PALS1: variants seen among roughly 807,000 people sequenced by gnomAD.
PALS1 encodes protein PALS1.
In PALS1, 31 loss-of-function variants were observed where a neutral mutation model predicts 78.9. The ratio of observed to expected loss-of-function variants is 0.39; its 90% confidence interval spans 0.30 to 0.53. The LOEUF is 0.53. PALS1 is among the 20% of genes least tolerant of loss of function. PALS1 has a pLI of 0.67. For synonymous variants in PALS1, 276 were observed against 270.9 expected (o/e 1.02, Z -0.18); for missense variants, 704 against 826.5 (o/e 0.85, Z 1.82).
Position 67,334,168 on chromosome 14 carries a change from G to A in PALS1, c.*1212G>A, listed in dbSNP as rs765161622. The A allele has an allele frequency of 1.3e-5, 2 of 152,572 alleles. No homozygotes were observed. The highest frequency in any genetic ancestry group is 4.8e-5 in the African/African-American group (2 of 41,444). The allele number at this position is 152,572 out of a possible 1,614,324, so 9.5% of individuals were successfully genotyped here. ...GAGAGAAAAAGGTATTAAATATATA[G>A]AAATAGGTTTTTAACCTAACAAGGT... On this transcript the variant is annotated 3_prime_UTR_variant, in exon 15 of 15. Transcript: ENST00000261681.
intron 4 of PALS1, among the ~76,000 whole-genome samples, chr14:67,299,599 A>C (rs1473832047): frequency 1.3e-5 from 2 of 152,206 alleles, no homozygotes; most frequent in East Asian, 3.8e-4. Context: ...TTTATAGGCC[A>C]ATGGAAAGGA....
At chr14:67,275,363 A>C (rs530003843) in intron 2 of PALS1, among the ~76,000 whole-genome samples, 2 of 152,324 alleles carry the variant, frequency 1.3e-5, no homozygotes, top group Middle Eastern at 6.8e-3. Flanking sequence ...CCTTTTCTGC[A>C]TCTATTGAGA....
intron 4 of PALS1, chr14:67,294,246 T>C (rs2084812795): frequency 6.6e-6 from 1 of 152,162 alleles, no homozygotes; most frequent in South Asian, 2.1e-4. Context: ...AGAACGTGAA[T>C]GGTTTCCCCT....
chr14:67,303,230 A>G lies in PALS1; in HGVS notation c.964-292A>G, dbSNP rs530563742. Among the ~76,000 whole-genome samples the G allele has an allele frequency of 2.6e-4, 39 of 152,362 alleles. No individual in the cohort carries two copies. In the South Asian group the frequency reaches 8.1e-3, roughly 32 times the overall value. ...TCTAGACATCTTTTGAGTGCAATTT[A>G]TGATCACTTTGTACACACGCACAGA... On this transcript the variant is annotated intron_variant, in intron 7 of 14. Transcript: ENST00000261681.
At chr14:67,329,385 G>C (rs866224786) in intron 14 of PALS1, among the ~76,000 whole-genome samples, 1 of 152,140 alleles carries the variant, frequency 6.6e-6, no homozygotes, top group Non-Finnish European at 1.5e-5. Flanking sequence ...GGGCTGAGAC[G>C]ATGGAGTTTT....
intron 4 of PALS1, among the ~76,000 whole-genome samples, chr14:67,300,452 T>A (rs1183681564): frequency 6.6e-6 from 1 of 151,858 alleles, no homozygotes. Flanking sequence ...CTCAGCCTCT[T>A]GAGTAGCTGG....
chr14:67,294,203 C>T (rs545293217), intron 4 of PALS1, among the ~76,000 whole-genome samples: 52 of 152,208 alleles, frequency 3.4e-4, no homozygotes, highest in African/African-American at 1.2e-3. Flanking sequence ...TTTGCTTTCA[C>T]GTCCTTAGAG....
intron 3 of PALS1, among the ~76,000 whole-genome samples, chr14:67,284,578 A>C (rs984760637): frequency 1.4e-4 from 18 of 124,336 alleles, no homozygotes; most frequent in South Asian, 1.1e-3. Context: ...AAAAAAAAAA[A>C]AAAAAAAAAA....
At chr14:67,317,503 G>C in intron 11 of PALS1, 24 bp downstream of exon 11, 1 of 1,526,032 alleles carries the variant, frequency 6.6e-7, no homozygotes, top group Non-Finnish European at 9.0e-7. Flanking sequence ...TCAGGGATAG[G>C]TGGAATTATA....
chr14:67,246,064 G>A (rs181950257), intron 1 of PALS1, among the ~76,000 whole-genome samples: 245 of 151,894 alleles, frequency 1.6e-3, no homozygotes, highest in African/African-American at 5.6e-3. Context: ...GACTGCATTT[G>A]TTTGGGTTTG....
chr14:67,244,258 T>G (rs575974253), intron 1 of PALS1, among the ~76,000 whole-genome samples: 4 of 152,240 alleles, frequency 2.6e-5, no homozygotes, highest in Non-Finnish European at 5.9e-5. Flanking sequence ...AGAATGTATG[T>G]ATACCTACCT....
At chr14:67,300,840 CT>C (rs202136052) in intron 4 of PALS1, among the ~76,000 whole-genome samples, 1,603 of 150,872 alleles carry the variant, frequency 0.011, 24 homozygotes, top group African/African-American at 0.036. Flanking sequence ...GACTGTCAGT[CT>C]TTTTTTTTAA....
At chr14:67,247,933 T>C (rs553501124) in intron 1 of PALS1, among the ~76,000 whole-genome samples, 1 of 152,284 alleles carries the variant, frequency 6.6e-6, no homozygotes, top group Admixed American at 6.5e-5. Context: ...TAAAAAATGA[T>C]ATTAGCTGTA....
At chr14:67,247,575 T>C (rs2084005618) in intron 1 of PALS1, among the ~76,000 whole-genome samples, 1 of 152,160 alleles carries the variant, frequency 6.6e-6, no homozygotes, top group African/African-American at 2.4e-5. Flanking sequence ...GTAGCATCTT[T>C]ATCTTGTTCA....
intron 8 of PALS1, among the ~76,000 whole-genome samples, chr14:67,307,329 A>G (rs867702873): frequency 3.3e-5 from 5 of 152,340 alleles, no homozygotes; most frequent in Middle Eastern, 3.4e-3. Flanking sequence ...TAGGGAGGGC[A>G]TAATAGACTT....
intron 2 of PALS1, among the ~76,000 whole-genome samples, chr14:67,276,833 G>A (rs2084513997): frequency 6.6e-6 from 1 of 152,080 alleles, no homozygotes; most frequent in African/African-American, 2.4e-5. Context: ...GACCTGGCCC[G>A]GTCTCTCTTG....
rs537095209 is a variant in PALS1, at chr14:67,334,517, A to G, written c.*1561A>G. 2 of 152,762 alleles carry G rather than the reference A, an allele frequency of 1.3e-5. No homozygotes were observed. The highest frequency in any genetic ancestry group is 2.1e-4 in the South Asian group (1 of 4,830). 9.5% of individuals were successfully genotyped at this position (152,762 alleles called of 1,614,324 possible). The stretch of plus-strand genomic sequence containing the variant: ...TTAAGGAGTAATTTGTGTCATGTAC[A>G]TATTTGATTGATTTTTTTTCTTCTA... On this transcript the variant is annotated 3_prime_UTR_variant, in exon 15 of 15. Transcript: ENST00000261681.
At chr14:67,263,562 A>G (rs2084270328) in intron 1 of PALS1, among the ~76,000 whole-genome samples, 1 of 152,224 alleles carries the variant, frequency 6.6e-6, no homozygotes, top group Admixed American at 6.5e-5. Flanking sequence ...CTCTTAGTAT[A>G]GGATAAGACT....
At chr14:67,259,160 T>C (rs2084191618) in intron 1 of PALS1, among the ~76,000 whole-genome samples, 1 of 151,710 alleles carries the variant, frequency 6.6e-6, no homozygotes, top group Non-Finnish European at 1.5e-5. Flanking sequence ...ACTTTTAACA[T>C]TGTCATAAAT....
Sources: gnomAD v4.1 joint callset for allele counts (sites outside exome capture counted in the v4.1 genomes callset) on GRCh38, gnomAD v4.1.1 for gene constraint, MANE v1.5 for transcripts, NCBI Gene and HGNC (gene_info 2026-07-23, HGNC 2026-07-21) for gene names.